Variants in TMEM164 observed in about 807,000 individuals in gnomAD.
The protein encoded by TMEM164 is transmembrane protein 164.
A neutral mutation model predicts 18.8 loss-of-function variants in TMEM164; 4 were observed. The observed-to-expected ratio is 0.21, with a 90% CI of 0.10 to 0.49. The LOEUF (loss-of-function observed/expected upper bound fraction) is 0.49, where lower values mean the gene tolerates loss of function less well. TMEM164 is among the 20% of genes least tolerant of loss of function. The pLI is 0.98. For missense variants in TMEM164, 108 were observed against 239.9 expected, an observed-to-expected ratio of 0.45 and a Z score of 3.63; for synonymous variants, 86 against 101.7, an observed-to-expected ratio of 0.85 and a Z score of 0.93.
chrX:110,032,560 T>C (rs1934566398), intron 2 of TMEM164, among the ~76,000 whole-genome samples: 1 of 111,848 alleles, frequency 8.9e-6, no homozygotes. Context: ...GGACAGAACA[T>C]AACTAACTAC....
At chrX:110,144,723 G>C (rs757496292) in intron 4 of TMEM164, 75 bp from the exon 5 acceptor site, 1 of 837,923 alleles carries the variant, frequency 1.2e-6, no homozygotes, top group South Asian at 2.5e-5. Flanking sequence ...TGAACAGCAG[G>C]GGAGGTCAAC....
chrX:110,019,281 C>A (rs1366335568), intron 2 of TMEM164, among the ~76,000 whole-genome samples: 2 of 110,407 alleles, frequency 1.8e-5, no homozygotes, highest in Non-Finnish European at 3.8e-5. Flanking sequence ...CATCTCAATT[C>A]CACCCTCTTC....
At chrX:110,059,548 A>G (rs755620477) in intron 2 of TMEM164, among the ~76,000 whole-genome samples, 2 of 111,910 alleles carry the variant, frequency 1.8e-5, no homozygotes, top group South Asian at 3.7e-4. Context: ...TGAATCTGTC[A>G]TTTAAAACTT....
At chrX:110,084,723 C>A (rs769115117) in intron 3 of TMEM164, among the ~76,000 whole-genome samples, 1 of 108,139 alleles carries the variant, frequency 9.2e-6, no homozygotes, top group Non-Finnish European at 1.9e-5. Flanking sequence ...ACTTTGATCT[C>A]CCCATTTGGT....
intron 5 of TMEM164, among the ~76,000 whole-genome samples, chrX:110,149,181 G>C (rs901643323): frequency 2.8e-4 from 31 of 110,729 alleles, no homozygotes; most frequent in Non-Finnish European, 5.3e-4. Context: ...TTTTAACACA[G>C]TTTATATACA....
intron 5 of TMEM164, among the ~76,000 whole-genome samples, chrX:110,151,016 C>A (rs1456397665): frequency 8.9e-6 from 1 of 112,221 alleles, no homozygotes; most frequent in Non-Finnish European, 1.9e-5. Flanking sequence ...AACTGGTACT[C>A]AAATAGCAAG....
At chrX:110,037,984 ATTTTTTTTTTTT>A (rs1036705725) in intron 2 of TMEM164, among the ~76,000 whole-genome samples, 2 of 72,712 alleles carry the variant, frequency 2.8e-5, no homozygotes, top group Admixed American at 1.7e-4. Flanking sequence ...CTTTGGACTC[ATTTTTTTTTTTT>A]TTTTTTTTTT....
chrX:110,176,513 T>A lies in TMEM164; in HGVS notation c.*3062T>A. The A allele has an allele frequency of 1.6e-6, 1 of 619,416 alleles. No homozygotes were observed. Among genetic ancestry groups the A allele is most frequent in the Non-Finnish European group, 1.9e-6 (1 of 515,407 alleles). 51.0% of individuals were successfully genotyped at this position (619,416 alleles called of 1,213,427 possible). On this transcript the variant is annotated 3_prime_UTR_variant, in exon 7 of 7. Coordinates refer to ENST00000372068, the MANE Select transcript of TMEM164 (RefSeq NM_032227.4). ...GAAGCTGCTTGCAGGGTCGCCGGGC[T>A]AACCAGGGTGATCGGCGAACTTTAC... is the stretch of plus-strand genomic sequence containing the variant.
intron 2 of TMEM164, among the ~76,000 whole-genome samples, chrX:110,014,833 G>T (rs1185807524): frequency 3.9e-5 from 4 of 101,763 alleles, no homozygotes; most frequent in African/African-American, 1.5e-4. Flanking sequence ...TATTACCAGA[G>T]CTGGGTAACT....
At chrX:110,013,329 A>G (rs1013905299) in intron 2 of TMEM164, among the ~76,000 whole-genome samples, 5 of 112,177 alleles carry the variant, frequency 4.5e-5, no homozygotes, top group Non-Finnish European at 9.4e-5. Context: ...AAGGCCCTTA[A>G]CTATGGCTCT....
intron 2 of TMEM164, among the ~76,000 whole-genome samples, chrX:110,026,307 C>T (rs1258668978): frequency 9.0e-6 from 1 of 111,721 alleles, no homozygotes; most frequent in Non-Finnish European, 1.9e-5. Flanking sequence ...AGAGTTGGTA[C>T]GACTGGGGCG....
At chrX:110,170,965 C>T (rs1314418255) in intron 5 of TMEM164, among the ~76,000 whole-genome samples, 1 of 112,101 alleles carries the variant, frequency 8.9e-6, no homozygotes, top group Non-Finnish European at 1.9e-5. Flanking sequence ...TCATAGTTAA[C>T]ATTCTCAACC....
chrX:110,094,795 A>G (rs866671486), intron 3 of TMEM164, among the ~76,000 whole-genome samples: 2 of 112,006 alleles, frequency 1.8e-5, no homozygotes, highest in African/African-American at 6.5e-5. Context: ...ACAATTTGGT[A>G]TGTTTTTGCA....
chrX:110,014,744 C>CTTTTTTTTTTTTTTTTTTGTTTTTTTT (rs1933221038), intron 2 of TMEM164, among the ~76,000 whole-genome samples: 1 of 54,239 alleles, frequency 1.8e-5, no homozygotes, highest in Non-Finnish European at 3.2e-5. Flanking sequence ...TTGGTTGTTT[C>CTTTTTTTTTTTTTTTTTTGTTTTTTTT]TTTTTTTTTT....
chrX:110,084,410 AGT>A (rs58887471), intron 3 of TMEM164, among the ~76,000 whole-genome samples: 75 of 635 alleles, frequency 0.12, no homozygotes, highest in African/African-American at 0.21. Flanking sequence ...ATATATATAT[AGT>A]GTATATATAT....
At position 110,176,506 on chromosome X, in the gene TMEM164, G is replaced by C; in HGVS notation, c.*3055G>C. On this transcript the variant is annotated 3_prime_UTR_variant, in exon 7 of 7. Coordinates refer to ENST00000372068, the MANE Select transcript of TMEM164 (RefSeq NM_032227.4). ...ATTCATAGAAGCTGCTTGCAGGGTC[G>C]CCGGGCTAACCAGGGTGATCGGCGA... 3 of 668,436 alleles carry C rather than the reference G, an allele frequency of 4.5e-6. No individual in the cohort carries two copies. The highest frequency in any genetic ancestry group is 5.4e-6 in the Non-Finnish European group (3 of 560,220). The allele number at this position is 668,436 out of a possible 1,213,427, so 55.1% of individuals were successfully genotyped here.
At chrX:110,056,073 T>C (rs1282379323) in intron 2 of TMEM164, among the ~76,000 whole-genome samples, 1 of 111,794 alleles carries the variant, frequency 8.9e-6, no homozygotes, top group Non-Finnish European at 1.9e-5. Context: ...TACAATTGAA[T>C]GTTTTTAGTA....
At chrX:110,062,218 C>T (rs1000980831) in intron 2 of TMEM164, among the ~76,000 whole-genome samples, 1 of 112,107 alleles carries the variant, frequency 8.9e-6, no homozygotes, top group African/African-American at 3.2e-5. Flanking sequence ...TAGCTCTTTA[C>T]AACTCAGTTG....
intron 5 of TMEM164, among the ~76,000 whole-genome samples, chrX:110,163,761 G>C (rs2067124106): frequency 8.9e-6 from 1 of 112,117 alleles, no homozygotes; most frequent in African/African-American, 3.2e-5. Context: ...TGATGCTGTT[G>C]AGTAGGGGAG....
Sources: allele counts gnomAD v4.1 joint callset (sites outside exome capture counted in the v4.1 genomes callset), GRCh38; gene constraint gnomAD v4.1.1; transcripts MANE v1.5; gene names NCBI Gene and HGNC (gene_info 2026-07-23, HGNC 2026-07-21).